The following YTHDC2 variants were observed in gnomAD, a reference collection of about 807,000 sequenced individuals.
The protein encoded by YTHDC2 is 3'-5' RNA helicase YTHDC2.
Under a neutral mutation model 174.9 loss-of-function variants are expected in YTHDC2, and 45 were observed. That is an observed-to-expected ratio of 0.26 (90% CI 0.20 to 0.33). The LOEUF (loss-of-function observed/expected upper bound fraction) is 0.33. YTHDC2 is among the 10% of genes least tolerant of loss of function. The pLI is 1.00. For synonymous variants in YTHDC2, 657 were observed against 574.5 expected (o/e 1.14, Z -2.05); for missense variants, 1,650 against 1,723.7 (o/e 0.96, Z 0.76).
chr5:113,554,033 G>T lies in YTHDC2; in HGVS notation c.2133+11G>T. 1.3e-6 allele frequency: 2 copies of T among 1,506,666 alleles called. No individual in the cohort carries two copies. The highest frequency in any genetic ancestry group is 2.7e-5 in the South Asian group (2 of 72,958). 93.3% of individuals were successfully genotyped at this position (1,506,666 alleles called of 1,614,324 possible). A position where few individuals can be genotyped will look rare whatever the true frequency, so the allele number is the denominator to read the frequency against. The stretch of plus-strand genomic sequence containing the variant: ...GGTAAGGTGAAAGAGGTATGTATGG[G>T]TAAGTTGTAGTTTTACTTAAATGAA... On this transcript the variant is annotated intron_variant, in intron 16 of 29. Coordinates refer to ENST00000161863, the MANE Select transcript of YTHDC2 (RefSeq NM_022828.5).
intron 10 of YTHDC2, among the ~76,000 whole-genome samples, chr5:113,546,140 T>G (rs377463463): frequency 6.6e-6 from 1 of 152,252 alleles, no homozygotes. Context: ...TTTTAAAAAA[T>G]ATTTACTCTG....
intron 22 of YTHDC2, 52 bp downstream of exon 22, chr5:113,567,349 T>C (rs17390957): frequency 0.031 from 44,936 of 1,432,390 alleles, 907 homozygotes; most frequent in African/African-American, 0.077. Flanking sequence ...ATTTAGGTAG[T>C]TCACTATCAA....
rs112000556 is a variant in YTHDC2, at chr5:113,538,090, T to C, written c.1103-984T>C. Among the ~76,000 whole-genome samples the C allele has an allele frequency of 1.5e-3, 234 of 152,310 alleles. 1 individual carries two copies. Among genetic ancestry groups the C allele is most frequent in the Middle Eastern group, 3.4e-3 (1 of 294 alleles). ...CATCAAAGGACTATATTTGACACTT[T>C]ATTTTTTTTCCATATCCAATATAAT... On this transcript the variant is annotated intron_variant, in intron 7 of 29. Transcript: ENST00000161863.
chr5:113,588,623 T>C (rs944263833), intron 26 of YTHDC2, among the ~76,000 whole-genome samples: 1 of 151,198 alleles, frequency 6.6e-6, no homozygotes, highest in Non-Finnish European at 1.5e-5. Context: ...TATTTATTTA[T>C]TTATATTATT....
chr5:113,579,382 T>C (rs1477425700), intron 23 of YTHDC2, among the ~76,000 whole-genome samples: 1 of 152,110 alleles, frequency 6.6e-6, no homozygotes, highest in Non-Finnish European at 1.5e-5. Flanking sequence ...TGATGAGACA[T>C]TATAGTCTTC....
At chr5:113,515,465 C>G (rs546407215) in intron 2 of YTHDC2, 103 bp downstream of exon 2, 4 of 925,218 alleles carry the variant, frequency 4.3e-6, no homozygotes, top group Non-Finnish European at 6.6e-6. Flanking sequence ...GTTTTAACTT[C>G]ACATTCTTAA....
In YTHDC2 at chr5:113,586,968, T is replaced by C. The variant is rs1471747215; in HGVS notation, c.3825+2489T>C. On this transcript the variant is annotated intron_variant, in intron 26 of 29. Coordinates refer to ENST00000161863, the MANE Select transcript of YTHDC2 (RefSeq NM_022828.5). ...TCATATATAATATATAAATATATAT[T>C]ATGTATTCATATATAATATATAAAT... 1.2e-4 allele frequency among the ~76,000 whole-genome samples: 5 copies of C among 43,172 alleles called. No homozygotes were observed. The South Asian group carries it at 3.5e-3, about 30-fold the overall frequency. The allele number at this position is 43,172 out of a possible 152,430, so 28.3% of individuals were successfully genotyped here.
intron 2 of YTHDC2, among the ~76,000 whole-genome samples, chr5:113,521,866 A>G (rs1773887516): frequency 6.6e-6 from 1 of 151,210 alleles, no homozygotes; most frequent in Non-Finnish European, 1.5e-5. Flanking sequence ...AATTTACTAT[A>G]GGCATAGTGA....
At chr5:113,588,918 C>T (rs1010750246) in intron 26 of YTHDC2, among the ~76,000 whole-genome samples, 1 of 152,058 alleles carries the variant, frequency 6.6e-6, no homozygotes, top group Non-Finnish European at 1.5e-5. Flanking sequence ...AGCCACCATG[C>T]CTGGCCAACA....
intron 9 of YTHDC2, among the ~76,000 whole-genome samples, chr5:113,541,571 A>G (rs1775467969): frequency 6.6e-6 from 1 of 152,074 alleles, no homozygotes; most frequent in Non-Finnish European, 1.5e-5. Flanking sequence ...TTTCAGAGCA[A>G]CTTTCTACTC....
At chr5:113,555,379 G>A (rs747675353) in intron 16 of YTHDC2, among the ~76,000 whole-genome samples, 16 of 152,134 alleles carry the variant, frequency 1.1e-4, no homozygotes, top group Non-Finnish European at 1.9e-4. Context: ...GAAAGGGAAA[G>A]TATAAGTACC....
chr5:113,576,957 T>C (rs1778092672), intron 23 of YTHDC2, among the ~76,000 whole-genome samples: 1 of 152,156 alleles, frequency 6.6e-6, no homozygotes, highest in South Asian at 2.1e-4. Context: ...GTATTGTTTT[T>C]GTTTTCTATA....
intron 8 of YTHDC2, among the ~76,000 whole-genome samples, chr5:113,540,674 A>G (rs949379091): frequency 6.6e-5 from 10 of 152,164 alleles, no homozygotes; most frequent in Non-Finnish European, 8.8e-5. Context: ...CCATGATCCA[A>G]TCACCTCCCA....
rs1246011985 is a variant in YTHDC2 at position 113,566,023 on chromosome 5, A to C, written c.2842+4A>C. On this transcript the variant is annotated splice_donor_region_variant and intron_variant, in intron 21 of 29. Transcript: ENST00000161863. ...CTTGGTCAACTTAGAGCATCAGGTA[A>C]AGTTTTTCCCTCAAAGAGCCTATTT... 1 of 1,598,924 alleles carries C rather than the reference A, an allele frequency of 6.3e-7. No individual in the cohort carries two copies. The highest frequency in any genetic ancestry group is 8.5e-7 in the Non-Finnish European group (1 of 1,173,226).
chr5:113,521,587 C>A (rs1248866707), intron 2 of YTHDC2, among the ~76,000 whole-genome samples: 3 of 151,724 alleles, frequency 2.0e-5, no homozygotes, highest in African/African-American at 7.3e-5. Context: ...AAAAATTAGC[C>A]ATGCATGGTG....
At chr5:113,586,584 C>T (rs1228322069) in intron 26 of YTHDC2, among the ~76,000 whole-genome samples, 1 of 151,288 alleles carries the variant, frequency 6.6e-6, no homozygotes, top group Non-Finnish European at 1.5e-5. Context: ...TTTTGTGTAC[C>T]AAACCCAAGA....
chr5:113,515,162 T>G, intron 1 of YTHDC2, 110 bp from the exon 2 acceptor site: 1 of 635,720 alleles, frequency 1.6e-6, no homozygotes, highest in Non-Finnish European at 2.7e-6. Context: ...AAATAAAGTA[T>G]AATAAATTTG....
At chr5:113,541,209 T>G in intron 9 of YTHDC2, 93 bp downstream of exon 9, 2 of 1,035,066 alleles carry the variant, frequency 1.9e-6, no homozygotes, top group East Asian at 2.7e-5. Flanking sequence ...TTTTTTTTTT[T>G]GAGATGGAGT....
At chr5:113,556,915 A>G (rs1321787652) in intron 17 of YTHDC2, among the ~76,000 whole-genome samples, 1 of 152,236 alleles carries the variant, frequency 6.6e-6, no homozygotes, top group Non-Finnish European at 1.5e-5. Flanking sequence ...GTGATTAAAT[A>G]AATTATAGCC....
Sources: gnomAD v4.1 joint callset for allele counts (sites outside exome capture counted in the v4.1 genomes callset) on GRCh38, gnomAD v4.1.1 for gene constraint, MANE v1.5 for transcripts, NCBI Gene and HGNC (gene_info 2026-07-23, HGNC 2026-07-21) for gene names.